Variants in RBFOX1 observed in about 807,000 individuals in gnomAD.
The protein encoded by RBFOX1 is RNA binding protein fox-1 homolog 1.
Under a neutral mutation model 57.7 loss-of-function variants are expected in RBFOX1, and 8 were observed. The ratio of observed to expected loss-of-function variants is 0.14; its 90% CI spans 0.08 to 0.25. RBFOX1 has a LOEUF of 0.25. Ranked by LOEUF, RBFOX1 falls within the 10% of genes least tolerant of loss-of-function variation. The pLI is 1.00. For missense variants in RBFOX1, 611 were observed against 548.5 expected, an observed-to-expected ratio of 1.11 and a Z score of -1.14; for synonymous variants, 326 against 222.4, an observed-to-expected ratio of 1.47 and a Z score of -4.15.
intron 3 of RBFOX1, among the ~76,000 whole-genome samples, chr16:6,713,793 C>A (rs1448316503): frequency 6.6e-6 from 1 of 152,142 alleles, no homozygotes. Flanking sequence ...GTTTTGACAC[C>A]ACCTTCTGGA....
At chr16:6,823,974 G>C (rs1310478004) in intron 3 of RBFOX1, among the ~76,000 whole-genome samples, 1 of 152,212 alleles carries the variant, frequency 6.6e-6, no homozygotes, top group African/African-American at 2.4e-5. Context: ...TCCAAATCTT[G>C]AAGGATGGGT....
intron 3 of RBFOX1, among the ~76,000 whole-genome samples, chr16:5,724,742 G>A (rs535543369): frequency 5.3e-5 from 8 of 152,134 alleles, no homozygotes; most frequent in Non-Finnish European, 1.2e-4. Flanking sequence ...AACAAGTTCT[G>A]AGTACCTACC....
intron 2 of RBFOX1, among the ~76,000 whole-genome samples, chr16:6,425,270 G>C (rs984184735): frequency 6.6e-6 from 1 of 152,198 alleles, no homozygotes; most frequent in African/African-American, 2.4e-5. Flanking sequence ...GAAGTTTGGG[G>C]AGGGTAACAT....
At chr16:7,134,545 C>T (rs1015760489) in intron 4 of RBFOX1, among the ~76,000 whole-genome samples, 1 of 152,136 alleles carries the variant, frequency 6.6e-6, no homozygotes, top group African/African-American at 2.4e-5. Flanking sequence ...ATTTCATTCA[C>T]AGTTTCCAAA....
chr16:6,627,873 C>T (rs1357213517), intron 2 of RBFOX1, among the ~76,000 whole-genome samples: 1 of 152,160 alleles, frequency 6.6e-6, no homozygotes, highest in African/African-American at 2.4e-5. Flanking sequence ...TTTCACAAAG[C>T]ATTTAGACAT....
At chr16:7,120,481 A>G (rs1351699804) in intron 4 of RBFOX1, among the ~76,000 whole-genome samples, 2 of 152,004 alleles carry the variant, frequency 1.3e-5, no homozygotes, top group Non-Finnish European at 2.9e-5. Context: ...ATAAATTAAA[A>G]AGATTATAAG....
rs1399056897 is a variant in RBFOX1, at chr16:6,557,153, A to T, written c.-63-97450A>T. On this transcript the variant is annotated intron_variant, in intron 2 of 15. Transcript: ENST00000550418. Reference sequence around the variant, plus strand: ...TATACATATATACATATATACACACATATATATACACATATATATATATAC... The same window carrying T: ...TATACATATATACATATATACACACTTATATATACACATATATATATATAC... Among the ~76,000 whole-genome samples, 5 of 143,994 alleles carry T rather than the reference A, an allele frequency of 3.5e-5. No homozygotes were observed. In the East Asian group the frequency reaches 9.7e-4, roughly 28 times the overall value. The allele number at this position is 143,994 out of a possible 152,430, so 94.5% of individuals were successfully genotyped here.
At position 6,658,023 on chromosome 16, in the gene RBFOX1, A is replaced by T. The variant is rs117729882; in HGVS notation, c.-16+3373A>T. Among the ~76,000 whole-genome samples, 269 of 152,070 alleles carry T rather than the reference A, an allele frequency of 1.8e-3. 2 individuals carry two copies. The highest frequency in any genetic ancestry group is 3.1e-3 in the Admixed American group (47 of 15,268). ...TGTGTACCTCGATTTATAGCTATGT[A>T]TATTGTTGAATATCTTCTTGATAGA... On this transcript the variant is annotated intron_variant, in intron 3 of 15. Transcript: ENST00000550418.
chr16:6,896,454 C>G (rs11862672), intron 3 of RBFOX1, among the ~76,000 whole-genome samples: 35,655 of 152,022 alleles, frequency 0.23, 4,310 homozygotes, highest in East Asian at 0.27. Flanking sequence ...TATCCTTCTA[C>G]TGTCTATGTA....
chr16:7,409,922 A>T (rs2098405824), intron 4 of RBFOX1, among the ~76,000 whole-genome samples: 1 of 152,174 alleles, frequency 6.6e-6, no homozygotes, highest in African/African-American at 2.4e-5. Flanking sequence ...GAGGGGTCTT[A>T]TCGAGGAGGC....
chr16:5,892,095 C>G (rs191026947), intron 4 of RBFOX1, among the ~76,000 whole-genome samples: 2 of 152,248 alleles, frequency 1.3e-5, no homozygotes, highest in South Asian at 4.2e-4. Flanking sequence ...TCTGTCCTTA[C>G]GGCACTTATA....
At chr16:6,191,129 G>GTTTTTTTTT (rs5815289) in intron 1 of RBFOX1, among the ~76,000 whole-genome samples, 8 of 133,950 alleles carry the variant, frequency 6.0e-5, no homozygotes, top group Non-Finnish European at 3.2e-5. Context: ...TGCGTCTGTG[G>GTTTTTTTTT]TTTTTTTTTT....
chr16:7,191,821 T>C (rs2085462949), intron 4 of RBFOX1, among the ~76,000 whole-genome samples: 1 of 152,204 alleles, frequency 6.6e-6, no homozygotes, highest in South Asian at 2.1e-4. Flanking sequence ...CTTCTAACCA[T>C]TGAGGCGAAA....
intron 3 of RBFOX1, among the ~76,000 whole-genome samples, chr16:6,976,759 T>C (rs1598896005): frequency 7.9e-6 from 1 of 126,958 alleles, no homozygotes; most frequent in Admixed American, 8.3e-5. Flanking sequence ...ATGTCATACA[T>C]ATATATCGTA....
chr16:6,464,417 C>T (rs1358593330), intron 2 of RBFOX1, among the ~76,000 whole-genome samples: 3 of 115,420 alleles, frequency 2.6e-5, no homozygotes, highest in Non-Finnish European at 5.7e-5. Context: ...TACGCCAATA[C>T]ACAAAAGTAT....
chr16:5,605,923 C>A (rs76507451), intron 3 of RBFOX1, among the ~76,000 whole-genome samples: 6 of 152,108 alleles, frequency 3.9e-5, no homozygotes, highest in Middle Eastern at 3.2e-3. Flanking sequence ...TAGCAGCCAT[C>A]ATGGAACCCA....
At chr16:6,577,289 A>G (rs1440137428) in intron 2 of RBFOX1, 2 of 152,218 alleles carry the variant, frequency 1.3e-5, no homozygotes, top group African/African-American at 4.8e-5. Flanking sequence ...GGAACACTAC[A>G]TATTTTCATC....
chr16:5,845,899 G>C (rs181228101), intron 3 of RBFOX1, among the ~76,000 whole-genome samples: 2,323 of 152,252 alleles, frequency 0.015, 38 homozygotes, highest in South Asian at 0.061. Context: ...ATGGCCTGGC[G>C]TGGTGGCTCA....
At chr16:7,422,534 G>A (rs1442212509) in intron 4 of RBFOX1, among the ~76,000 whole-genome samples, 1 of 152,198 alleles carries the variant, frequency 6.6e-6, no homozygotes, top group Non-Finnish European at 1.5e-5. Context: ...CGTCACTGGG[G>A]GATCAAATGA....
Sources: gnomAD v4.1 joint callset for allele counts (sites outside exome capture counted in the v4.1 genomes callset) on GRCh38, gnomAD v4.1.1 for gene constraint, MANE v1.5 for transcripts, NCBI Gene and HGNC (gene_info 2026-07-23, HGNC 2026-07-21) for gene names.